DNAJB2: variants seen among roughly 807,000 people sequenced by gnomAD.
DNAJB2 encodes the protein DnaJ heat shock protein family (Hsp40) member B2.
DNAJB2 carries 19 observed loss-of-function variants against 33.3 expected under a neutral mutation model. The ratio of observed to expected loss-of-function variants is 0.57; its 90% CI spans 0.40 to 0.84. The LOEUF (loss-of-function observed/expected upper bound fraction) is 0.84, where lower values mean the gene tolerates loss of function less well. Ranked by LOEUF, DNAJB2 falls within the 40% of genes least tolerant of loss-of-function variation. The pLI is 0.00. For synonymous variants in DNAJB2, 172 were observed against 164.6 expected, an observed-to-expected ratio of 1.04 and a Z score of -0.34; for missense variants, 368 against 430.9, an observed-to-expected ratio of 0.85 and a Z score of 1.29.
chr2:219,283,298 G>C (rs1227772717), intron 7 of DNAJB2, 63 bp downstream of exon 7: 2 of 1,610,624 alleles, frequency 1.2e-6, no homozygotes, highest in Non-Finnish European at 1.7e-6. Context: ...TGTTCAAATA[G>C]AAAGTTGGCT....
At chr2:219,280,939 C>G (rs1951899526) in intron 3 of DNAJB2, 3 of 496,478 alleles carry the variant, frequency 6.0e-6, no homozygotes, top group Non-Finnish European at 1.1e-5. Flanking sequence ...TCCTGCGTGC[C>G]AGGCATTGGT....
Position 219,285,821 on chromosome 2 carries a change from C to G in DNAJB2, c.*834C>G. ...AAGAGGTGGGATAGGACCGGGGGAC[C>G]CCAGAGGGAGGCCTAGGAGGGGACT... On this transcript the variant is annotated 3_prime_UTR_variant, in exon 9 of 9. Transcript: ENST00000336576. 1 of 1,414,968 alleles carries G rather than the reference C, an allele frequency of 7.1e-7. No homozygotes were observed. 87.7% of individuals were successfully genotyped at this position (1,414,968 alleles called of 1,614,324 possible).
At chr2:219,280,426 C>T (rs1574899321) in intron 2 of DNAJB2, 152 bp from the exon 3 acceptor site, 2 of 622,550 alleles carry the variant, frequency 3.2e-6, no homozygotes, top group Non-Finnish European at 5.7e-6. Flanking sequence ...ATGAAAATAT[C>T]ACAGCAGCGG....
intron 3 of DNAJB2, 144 bp from the exon 4 acceptor site, chr2:219,281,574 C>A: frequency 4.9e-6 from 5 of 1,022,984 alleles, no homozygotes; most frequent in Non-Finnish European, 7.4e-6. Flanking sequence ...AACCTATAGC[C>A]CGTGTCCCCT....
At chr2:219,283,264 G>A in intron 7 of DNAJB2, 29 bp downstream of exon 7, 5 of 1,613,628 alleles carry the variant, frequency 3.1e-6, no homozygotes, top group Non-Finnish European at 4.2e-6. Context: ...GCCATAGAGG[G>A]GTGAGAGGTC....
chr2:219,281,360 T>G, intron 3 of DNAJB2: 1 of 249,972 alleles, frequency 4.0e-6, no homozygotes, highest in Non-Finnish European at 7.8e-6. Context: ...GAAGGTGACA[T>G]TTAGGCTAAG....
chr2:219,281,608 C>G, intron 3 of DNAJB2, 110 bp from the exon 4 acceptor site: 1 of 1,472,234 alleles, frequency 6.8e-7, no homozygotes, highest in Non-Finnish European at 9.4e-7. Context: ...TGCCTGCTTT[C>G]CCCCGCCAAG....
At chr2:219,280,065 G>C (rs1413399314) in intron 2 of DNAJB2, 167 bp downstream of exon 2, 1 of 675,324 alleles carries the variant, frequency 1.5e-6, no homozygotes, top group Non-Finnish European at 2.5e-6. Context: ...CCCTGGTAGA[G>C]TACAAGGAGA....
rs748494804 is a variant in DNAJB2 at position 219,283,194 on chromosome 2, A to C, written c.507A>C (p.Thr169=). 12 of 1,614,166 alleles carry C rather than the reference A, an allele frequency of 7.4e-6. 1 individual carries two copies. In the Middle Eastern group the frequency reaches 1.6e-3, roughly 222 times the overall value. ...CTGGTGCTTTTCGCTCTGTTTCTACATCTACCACCTTTGTCCAAGGACGCC... is the reference window on the plus strand; with the variant it reads ...CTGGTGCTTTTCGCTCTGTTTCTACCTCTACCACCTTTGTCCAAGGACGCC... ...PGAGAFRSVS[T]STTFVQGRRI... Residue 169 remains threonine (T), a synonymous_variant, in exon 7 of 9, where the codon ACA becomes ACC. Coordinates refer to ENST00000336576, the MANE Select transcript of DNAJB2 (RefSeq NM_006736.6).
chr2:219,284,959 AG>A lies in DNAJB2; in HGVS notation c.948del (p.Lys317ArgfsTer36). On this transcript the variant is annotated frameshift_variant, in exon 9 of 9. Transcript: ENST00000336576. LOFTEE classifies it high-confidence loss of function. ...ACCAAACGCAGTCCATCCCCAGAGG[AG>A]AAGGCCTCTCGCTGCCTCATCCTCT... ...EATKRSPSPEEKASRCLIL is the reference protein window; with the variant it reads ...EATKRSPSPEXKASRCLIL 1 of 1,536,146 alleles carries A rather than the reference AG, an allele frequency of 6.5e-7. No individual in the cohort carries two copies. Among genetic ancestry groups the A allele is most frequent in the Non-Finnish European group, 8.8e-7 (1 of 1,137,296 alleles).
At position 219,285,023 on chromosome 2, in the gene DNAJB2, C is replaced by A. The variant is rs1350613193; in HGVS notation, c.*36C>A. 1 of 1,448,996 alleles carries A rather than the reference C, an allele frequency of 6.9e-7. No individual in the cohort carries two copies. The highest frequency in any genetic ancestry group is 2.8e-5 in the Admixed American group (1 of 35,642). 89.8% of individuals were successfully genotyped at this position (1,448,996 alleles called of 1,614,324 possible). ...CAACCTGATCTGATCCAGATCTTGA[C>A]TGGGGGGTCTGACTCACTGTGGGAA... On this transcript the variant is annotated 3_prime_UTR_variant, in exon 9 of 9. Transcript: ENST00000336576.
At chr2:219,280,825 C>A in intron 3 of DNAJB2, 138 bp downstream of exon 3, 1 of 659,928 alleles carries the variant, frequency 1.5e-6, no homozygotes, top group Non-Finnish European at 2.6e-6. Flanking sequence ...TCCCCCCTCC[C>A]ACAGGGACAG....
intron 8 of DNAJB2, among the ~76,000 whole-genome samples, chr2:219,284,085 A>G (rs1951931170): frequency 6.6e-6 from 1 of 152,116 alleles, no homozygotes; most frequent in East Asian, 1.9e-4. Flanking sequence ...AGGCACTATC[A>G]TCATTCCCAT....
Position 219,283,050 on chromosome 2 carries a change from C to T in DNAJB2, c.446-83C>T, listed in dbSNP as rs960567752. 2.1e-4 allele frequency: 328 copies of T among 1,584,536 alleles called. 1 individual carries two copies. Among genetic ancestry groups the T allele is most frequent in the South Asian group, 5.0e-4 (45 of 89,420 alleles). On this transcript the variant is annotated intron_variant, in intron 6 of 8. Transcript: ENST00000336576. ...CCCTGCCTCCAGCAGCCCTGCGAGGCGGCCTGGAGCCTCGGTGACCACAAC... is the reference window on the plus strand; with the variant it reads ...CCCTGCCTCCAGCAGCCCTGCGAGGTGGCCTGGAGCCTCGGTGACCACAAC...
chr2:219,284,729 C>A lies in DNAJB2; in HGVS notation c.717C>A (p.Thr239=), dbSNP rs146703240. 9.1e-5 allele frequency: 147 copies of A among 1,613,484 alleles called. No homozygotes were observed. The African/African-American group carries it at 1.9e-3, about 20-fold the overall frequency. The change falls in exon 9 of 9, where the codon ACC becomes ACA. Residue 239 remains threonine, a synonymous_variant. Transcript: ENST00000336576. ...CTGGGGGCACTCAGGTCCAGCAGAC[C>A]CCTGCCTCATGCCCCTTGGACAGCG... ...SRSGGTQVQQ[T]PASCPLDSDL... is the part of the protein sequence containing the mutation.
Position 219,285,203 on chromosome 2 carries a change from G to T in DNAJB2, c.*216G>T. On this transcript the variant is annotated 3_prime_UTR_variant, in exon 9 of 9. Coordinates refer to ENST00000336576, the MANE Select transcript of DNAJB2 (RefSeq NM_006736.6). ...AGGTCCCTGGTGAAGCCCAGGGTGG[G>T]GGGTGTCAGGGCAGTGGAGGGGCCC... The T allele has an allele frequency of 2.4e-6, 3 of 1,250,644 alleles. No homozygotes were observed. The highest frequency in any genetic ancestry group is 3.0e-6 in the Non-Finnish European group (3 of 997,246). The allele number at this position is 1,250,644 out of a possible 1,614,324, so 77.5% of individuals were successfully genotyped here.
chr2:219,284,432 C>G (rs1291674682), intron 8 of DNAJB2, among the ~76,000 whole-genome samples, 200 bp from the exon 9 acceptor site: 5 of 152,220 alleles, frequency 3.3e-5, no homozygotes. Flanking sequence ...TGTTGAGTGA[C>G]TTGCCTAAGG....
At position 219,285,298 on chromosome 2, in the gene DNAJB2, T is replaced by G; in HGVS notation, c.*311T>G. ...TTAGTGGTTTGGGCTGGGCCTTTTG[T>G]GCCCTGGTACTCTGCCACCTGTGTT... is the stretch of plus-strand genomic sequence containing the variant. On this transcript the variant is annotated 3_prime_UTR_variant, in exon 9 of 9. Transcript: ENST00000336576. 9.2e-7 allele frequency: 1 copy of G among 1,082,878 alleles called. No homozygotes were observed. Among genetic ancestry groups the G allele is most frequent in the Non-Finnish European group, 1.1e-6 (1 of 892,460 alleles). The allele number at this position is 1,082,878 out of a possible 1,614,324, so 67.1% of individuals were successfully genotyped here.
chr2:219,281,878 G>A, intron 4 of DNAJB2, 61 bp from the exon 5 acceptor site: 1 of 1,581,310 alleles, frequency 6.3e-7, no homozygotes, highest in Non-Finnish European at 8.5e-7. Context: ...TGCCTTAGGT[G>A]AGGTCCCCCG....
Sources: allele counts gnomAD v4.1 joint callset (sites outside exome capture counted in the v4.1 genomes callset), GRCh38; gene constraint gnomAD v4.1.1; transcripts MANE v1.5; gene names NCBI Gene and HGNC (gene_info 2026-07-23, HGNC 2026-07-21).